The following RPS6KB1 variants were observed in gnomAD, a reference collection of about 807,000 sequenced individuals.
The protein encoded by RPS6KB1 is ribosomal protein S6 kinase B1.
A neutral mutation model predicts 70.2 loss-of-function variants in RPS6KB1; 12 were observed. The observed-to-expected ratio is 0.17, with a 90% CI of 0.11 to 0.28. The LOEUF is 0.28. Among genes scored for constraint, RPS6KB1 ranks in the 10% least tolerant of loss-of-function variants. The pLI, the probability that RPS6KB1 is intolerant of heterozygous loss-of-function variation, is 1.00. For synonymous variants in RPS6KB1, 175 were observed against 211.2 expected (o/e 0.83, Z 1.49); for missense variants, 270 against 646.6 (o/e 0.42, Z 6.32).
chr17:59,898,902 T>G (rs1176153775), intron 1 of RPS6KB1, among the ~76,000 whole-genome samples: 1 of 151,518 alleles, frequency 6.6e-6, no homozygotes, highest in Non-Finnish European at 1.5e-5. Context: ...AGAAAAAAAT[T>G]AGGAGTAAAG....
In RPS6KB1 at chr17:59,919,504, G is replaced by A. The variant is rs113906694; in HGVS notation, c.381+4801G>A. On this transcript the variant is annotated intron_variant, in intron 4 of 14. Transcript: ENST00000225577. ...GTCTGTAGATCTTTTTTTTTCTGGG[G>A]AGGATCAGTTGGTGCTAAGAAAGTT... is the stretch of plus-strand genomic sequence containing the variant. Among the ~76,000 whole-genome samples, 1,165 of 151,848 alleles carry A rather than the reference G, an allele frequency of 7.7e-3. 20 individuals are homozygous for A. Among genetic ancestry groups the A allele is most frequent in the African/African-American group, 0.025 (1,044 of 41,434 alleles).
At chr17:59,940,358 C>T (rs1381177625) in intron 12 of RPS6KB1, among the ~76,000 whole-genome samples, 1 of 134,362 alleles carries the variant, frequency 7.4e-6, no homozygotes, top group Non-Finnish European at 1.5e-5. Flanking sequence ...ACGATCTCTG[C>T]TTGCTGCAAC....
Position 59,931,676 on chromosome 17 carries a change from C to T in RPS6KB1, c.642C>T (p.Ile214=). 1 of 1,613,668 alleles carries T rather than the reference C, an allele frequency of 6.2e-7. No individual in the cohort carries two copies. The highest frequency in any genetic ancestry group is 8.5e-7 in the Non-Finnish European group (1 of 1,179,588). ...MALGHLHQKG[I]IYRDLKPENI... is the part of the protein sequence containing the mutation. ...TGGGGCATTTACATCAAAAGGGGAT[C>T]ATCTACAGAGACCTGAAGCCGGAGA... Residue 214 remains isoleucine (I), a synonymous_variant, in exon 7 of 15, where the codon ATC becomes ATT. Transcript: ENST00000225577.
At chr17:59,929,305 AT>A (rs1234298273) in intron 5 of RPS6KB1, among the ~76,000 whole-genome samples, 2 of 151,766 alleles carry the variant, frequency 1.3e-5, no homozygotes, top group East Asian at 1.9e-4. Flanking sequence ...TAATTTTTTT[AT>A]TTTTAATAGA....
chr17:59,919,982 C>G (rs1389409288), intron 4 of RPS6KB1, among the ~76,000 whole-genome samples: 1 of 152,168 alleles, frequency 6.6e-6, no homozygotes, highest in Non-Finnish European at 1.5e-5. Context: ...TTTATCCCCA[C>G]TCTGTCTTTT....
intron 12 of RPS6KB1, among the ~76,000 whole-genome samples, chr17:59,938,563 T>A (rs1250569296): frequency 6.6e-6 from 1 of 152,188 alleles, no homozygotes; most frequent in Admixed American, 6.6e-5. Context: ...TTGCTGATGT[T>A]ATCCCCATAG....
chr17:59,921,705 C>CT (rs1239149663), intron 4 of RPS6KB1, among the ~76,000 whole-genome samples: 1 of 152,178 alleles, frequency 6.6e-6, no homozygotes, highest in African/African-American at 2.4e-5. Flanking sequence ...GAGGAAAAGA[C>CT]TATCAACAGC....
At chr17:59,921,703 G>T (rs1460631085) in intron 4 of RPS6KB1, among the ~76,000 whole-genome samples, 1 of 152,290 alleles carries the variant, frequency 6.6e-6, no homozygotes, top group South Asian at 2.1e-4. Flanking sequence ...GTGAGGAAAA[G>T]ACTATCAACA....
Position 59,897,471 on chromosome 17 carries a change from C to T in RPS6KB1, c.141+4146C>T, listed in dbSNP as rs560005208. On this transcript the variant is annotated intron_variant, in intron 1 of 14. Transcript: ENST00000225577. ...TTAAACTCGAGGTGCTGTATTTTTA[C>T]AACTGTAGTATCATAGTGTGTATTT... 5.3e-5 allele frequency among the ~76,000 whole-genome samples: 8 copies of T among 152,258 alleles called. No individual in the cohort carries two copies. The South Asian group carries it at 1.7e-3, about 32-fold the overall frequency.
chr17:59,912,498 C>T (rs1231665919), intron 2 of RPS6KB1, 186 bp from the exon 3 acceptor site: 4 of 512,690 alleles, frequency 7.8e-6, no homozygotes, highest in Non-Finnish European at 1.4e-5. Flanking sequence ...AGGAGGCAAA[C>T]GATTATCAGG....
At chr17:59,923,716 G>T (rs1185209361) in intron 4 of RPS6KB1, among the ~76,000 whole-genome samples, 1 of 151,710 alleles carries the variant, frequency 6.6e-6, no homozygotes, top group South Asian at 2.1e-4. Flanking sequence ...CATCATCTTG[G>T]CCAGGCTGGT....
chr17:59,936,624 T>C (rs2044263189), intron 12 of RPS6KB1, 83 bp downstream of exon 12: 3 of 1,108,452 alleles, frequency 2.7e-6, no homozygotes, highest in South Asian at 1.3e-5. Flanking sequence ...GGTGGGAGGA[T>C]TGTTTGAGGC....
rs545689641 is a variant in RPS6KB1, at chr17:59,900,514, C to T, written c.141+7189C>T. On this transcript the variant is annotated intron_variant, in intron 1 of 14. Transcript: ENST00000225577. ...CTGAGTAGCTAGGATTACAAGTGCC[C>T]GCCACCAGGCCTGGCTAATTTTTGT... Among the ~76,000 whole-genome samples, 26 of 151,972 alleles carry T rather than the reference C, an allele frequency of 1.7e-4. 1 individual carries two copies. The East Asian group carries it at 1.9e-3, about 11-fold the overall frequency.
intron 5 of RPS6KB1, among the ~76,000 whole-genome samples, chr17:59,929,800 T>C (rs1186203994): frequency 6.6e-6 from 1 of 152,048 alleles, no homozygotes; most frequent in Non-Finnish European, 1.5e-5. Context: ...TGTTAAAGAG[T>C]CTTTAATCAA....
intron 1 of RPS6KB1, among the ~76,000 whole-genome samples, chr17:59,896,321 G>A (rs999693711): frequency 2.6e-5 from 4 of 152,096 alleles, no homozygotes; most frequent in Non-Finnish European, 4.4e-5. Context: ...AGCCTCCCGA[G>A]TAGCTGGGAT....
intron 1 of RPS6KB1, among the ~76,000 whole-genome samples, chr17:59,898,272 T>C (rs1047524466): frequency 1.5e-4 from 23 of 152,158 alleles, no homozygotes; most frequent in African/African-American, 5.5e-4. Flanking sequence ...GCAGGCTTAC[T>C]GTACAAGTTT....
intron 4 of RPS6KB1, among the ~76,000 whole-genome samples, chr17:59,920,388 A>G (rs2043201853): frequency 6.6e-6 from 1 of 152,226 alleles, no homozygotes; most frequent in Non-Finnish European, 1.5e-5. Flanking sequence ...TTTTAAAAAA[A>G]TTATAAGACT....
At chr17:59,894,500 C>T (rs1234638639) in intron 1 of RPS6KB1, among the ~76,000 whole-genome samples, 3 of 152,212 alleles carry the variant, frequency 2.0e-5, no homozygotes, top group African/African-American at 4.8e-5. Flanking sequence ...TTTTTCTCCT[C>T]TGGCACCTGC....
chr17:59,914,862 T>TAAA (rs2042848245), intron 4 of RPS6KB1, among the ~76,000 whole-genome samples, 159 bp downstream of exon 4: 1 of 152,164 alleles, frequency 6.6e-6, no homozygotes, highest in Non-Finnish European at 1.5e-5. Flanking sequence ...GGTACAGTGG[T>TAAA]GCACACCTGT....
Sources: allele counts gnomAD v4.1 joint callset (sites outside exome capture counted in the v4.1 genomes callset), GRCh38; gene constraint gnomAD v4.1.1; transcripts MANE v1.5; gene names NCBI Gene and HGNC (gene_info 2026-07-23, HGNC 2026-07-21).